Variants in ALDH18A1 observed in about 807,000 individuals in gnomAD.
ALDH18A1 encodes the protein delta-1-pyrroline-5-carboxylate synthase.
ALDH18A1 carries 44 observed loss-of-function variants against 88.8 expected under a neutral mutation model. The observed-to-expected ratio is 0.50, with a 90% confidence interval of 0.39 to 0.64. The LOEUF (loss-of-function observed/expected upper bound fraction) is 0.64. Ranked by LOEUF, ALDH18A1 falls within the 30% of genes least tolerant of loss-of-function variation. The probability of loss-of-function intolerance (pLI) is 0.00; values close to 1 mark genes in which losing one functional copy is unlikely to be tolerated. For synonymous variants in ALDH18A1, 331 were observed against 372.1 expected (o/e 0.89, Z 1.27); for missense variants, 782 against 1,009.5 (o/e 0.77, Z 3.05).
intron 14 of ALDH18A1, 47 bp downstream of exon 14, chr10:95,613,919 G>C: frequency 6.2e-7 from 1 of 1,614,190 alleles, no homozygotes; most frequent in Non-Finnish European, 8.5e-7. Flanking sequence ...AGCTGCAGAG[G>C]ATGTAATATT....
Position 95,627,572 on chromosome 10 carries a change from G to A in ALDH18A1, c.948C>T (p.Leu316=), listed in dbSNP as rs769800738. ...CAGAAGTGCCACCTTGCAAAGCCCA[G>A]AGGGCTGCTTTCACCTAATGAGACA... ...GGMEAKVKAA[L]WALQGGTSVV... Residue 316 remains leucine (L), a synonymous_variant, in exon 9 of 18, where the codon CTC becomes CTT. Transcript: ENST00000371224. The A allele has an allele frequency of 3.9e-5, 63 of 1,614,124 alleles. No individual in the cohort carries two copies. The East Asian group carries it at 1.3e-3, about 33-fold the overall frequency.
intron 11 of ALDH18A1, 80 bp from the exon 12 acceptor site, chr10:95,621,331 T>C: frequency 7.3e-7 from 1 of 1,367,074 alleles, no homozygotes; most frequent in South Asian, 1.3e-5. Context: ...TTTTTTTTTT[T>C]TTTTTTGAGA....
intron 3 of ALDH18A1, among the ~76,000 whole-genome samples, chr10:95,637,985 C>A (rs1472876645): frequency 1.5e-5 from 1 of 65,312 alleles, no homozygotes; most frequent in Admixed American, 1.2e-4. Context: ...ACAACAACAA[C>A]AACAACAACA....
chr10:95,637,841 T>C (rs1487940970), intron 3 of ALDH18A1, among the ~76,000 whole-genome samples: 1 of 151,948 alleles, frequency 6.6e-6, no homozygotes. Flanking sequence ...TGGTAGTGCA[T>C]GCCAGCTACT....
chr10:95,620,208 G>C (rs1029602848), intron 12 of ALDH18A1, among the ~76,000 whole-genome samples: 2 of 152,192 alleles, frequency 1.3e-5, no homozygotes, highest in African/African-American at 4.8e-5. Flanking sequence ...GGTCATCAGA[G>C]AAATGCAAAT....
intron 2 of ALDH18A1, among the ~76,000 whole-genome samples, chr10:95,649,811 G>A (rs1005424583): frequency 3.3e-5 from 5 of 151,862 alleles, no homozygotes; most frequent in African/African-American, 9.7e-5. Context: ...AGCCTGGGAC[G>A]TTGAGGCTGC....
intron 3 of ALDH18A1, among the ~76,000 whole-genome samples, chr10:95,637,743 C>A (rs2097883524): frequency 6.6e-6 from 1 of 152,112 alleles, no homozygotes; most frequent in Admixed American, 6.6e-5. Context: ...CCAAGGCAGG[C>A]ACAATGCCTG....
intron 13 of ALDH18A1, among the ~76,000 whole-genome samples, chr10:95,615,531 T>C (rs2097842772): frequency 6.6e-6 from 1 of 152,170 alleles, no homozygotes; most frequent in South Asian, 2.1e-4. Context: ...TCACAGGATC[T>C]GTATACTTTA....
chr10:95,640,716 C>T (rs972983194), intron 3 of ALDH18A1, among the ~76,000 whole-genome samples: 5 of 152,138 alleles, frequency 3.3e-5, no homozygotes, highest in African/African-American at 1.2e-4. Flanking sequence ...CTCCTGAGTC[C>T]ATCTGACATG....
chr10:95,626,470 A>G lies in ALDH18A1; in HGVS notation c.1152+233T>C, dbSNP rs567503082. ...TCTCATCATTTTTATGATGCTCTTGATCAAAACATCATAGTGATGAAAAGT... is the reference window on the plus strand; with the variant it reads ...TCTCATCATTTTTATGATGCTCTTGGTCAAAACATCATAGTGATGAAAAGT... On this transcript the variant is annotated intron_variant, in intron 10 of 17. Coordinates refer to ENST00000371224, the MANE Select transcript of ALDH18A1 (RefSeq NM_002860.4). 7.0e-4 allele frequency among the ~76,000 whole-genome samples: 106 copies of G among 152,272 alleles called. 1 individual carries two copies. The South Asian group carries it at 0.021, about 31-fold the overall frequency.
chr10:95,634,143 A>G lies in ALDH18A1; in HGVS notation c.559-494T>C, dbSNP rs141428197. On this transcript the variant is annotated intron_variant, in intron 5 of 17. Coordinates refer to ENST00000371224, the MANE Select transcript of ALDH18A1 (RefSeq NM_002860.4). ...AAAGATTTATTTAAGAATGTTCAAG[A>G]CTTCTTGCAAAAGTACTTTAATCCT... Among the ~76,000 whole-genome samples the G allele has an allele frequency of 8.3e-4, 126 of 152,268 alleles. 2 individuals are homozygous for G. The highest frequency in any genetic ancestry group is 3.4e-3 in the Middle Eastern group (1 of 294).
At chr10:95,635,147 G>T (rs544603318) in intron 5 of ALDH18A1, among the ~76,000 whole-genome samples, 1 of 152,250 alleles carries the variant, frequency 6.6e-6, no homozygotes, top group East Asian at 1.9e-4. Context: ...ATGTCTTGGG[G>T]AAAAATAAAA....
At chr10:95,630,497 G>A (rs929108978) in intron 7 of ALDH18A1, among the ~76,000 whole-genome samples, 4 of 152,224 alleles carry the variant, frequency 2.6e-5, no homozygotes, top group African/African-American at 7.2e-5. Flanking sequence ...AGGATCACGA[G>A]GTGAGGAGTT....
chr10:95,628,278 T>A, intron 8 of ALDH18A1, 90 bp downstream of exon 8: 1 of 1,580,918 alleles, frequency 6.3e-7, no homozygotes, highest in South Asian at 1.1e-5. Context: ...ATCTGAACCA[T>A]TAACCCCCAA....
At position 95,648,320 on chromosome 10, in the gene ALDH18A1, T is replaced by TTCA. The variant is rs56238714; in HGVS notation, c.88+4967_88+4969dup. 6.7e-3 allele frequency among the ~76,000 whole-genome samples: 1,017 copies of TTCA among 150,798 alleles called. 2 individuals carry two copies. Among genetic ancestry groups the TTCA allele is most frequent in the African/African-American group, 0.011 (442 of 40,924 alleles). On this transcript the variant is annotated intron_variant, in intron 2 of 17. Transcript: ENST00000371224. ...AGTTTGAGCTTTTCCATATTCTACCTTCATCATCATCATCATCATCATCAT... is the reference window on the plus strand; with the variant it reads ...AGTTTGAGCTTTTCCATATTCTACCTTCATCATCATCATCATCATCATCATCAT...
intron 12 of ALDH18A1, 150 bp from the exon 13 acceptor site, chr10:95,616,764 A>AAG: frequency 9.5e-7 from 1 of 1,048,024 alleles, no homozygotes; most frequent in African/African-American, 1.6e-5. Flanking sequence ...CACTGCAGTG[A>AAG]ATTAAGTGCC....
intron 2 of ALDH18A1, among the ~76,000 whole-genome samples, chr10:95,647,980 A>T (rs1435380771): frequency 1.3e-5 from 2 of 152,202 alleles, no homozygotes; most frequent in East Asian, 3.8e-4. Flanking sequence ...TTCCTTTGTA[A>T]TAAATTGGTA....
chr10:95,651,645 T>G (rs1316515246), intron 2 of ALDH18A1, among the ~76,000 whole-genome samples: 1 of 151,440 alleles, frequency 6.6e-6, no homozygotes, highest in Non-Finnish European at 1.5e-5. Context: ...GAAGAGAGAG[T>G]GAGGGGGTGG....
intron 1 of ALDH18A1, among the ~76,000 whole-genome samples, chr10:95,654,354 G>A (rs1405022620): frequency 2.0e-5 from 3 of 152,040 alleles, no homozygotes; most frequent in African/African-American, 2.4e-5. Flanking sequence ...TAGCAGAGAC[G>A]GGGTTTCACC....
Sources: allele counts gnomAD v4.1 joint callset (sites outside exome capture counted in the v4.1 genomes callset), GRCh38; gene constraint gnomAD v4.1.1; transcripts MANE v1.5; gene names NCBI Gene and HGNC (gene_info 2026-07-23, HGNC 2026-07-21).